The following GAD1 variants were observed in gnomAD, a reference collection of about 807,000 sequenced individuals.
The protein encoded by GAD1 is 67 kDa glutamic acid decarboxylase.
A neutral mutation model predicts 75.2 loss-of-function variants in GAD1; 35 were observed. The ratio of observed to expected loss-of-function variants is 0.47; its 90% CI spans 0.36 to 0.62. GAD1 has a LOEUF of 0.62. GAD1 is among the 20% of genes least tolerant of loss of function. The pLI is 0.00. For missense variants in GAD1, 490 were observed against 758.5 expected (o/e 0.65, Z 4.16); for synonymous variants, 257 against 271.9 (o/e 0.95, Z 0.54).
At chr2:170,845,828 T>C (rs781429378) in intron 9 of GAD1, 43 bp downstream of exon 9, 2 of 1,575,952 alleles carry the variant, frequency 1.3e-6, no homozygotes, top group South Asian at 2.2e-5. Context: ...ATGTATTAAA[T>C]GTGTTCATCT....
intron 14 of GAD1, among the ~76,000 whole-genome samples, chr2:170,854,440 G>A (rs2105810149): frequency 7.4e-6 from 1 of 135,906 alleles, no homozygotes; most frequent in East Asian, 2.1e-4. Flanking sequence ...TCACTCTGTA[G>A]CCCAGGCTGG....
chr2:170,818,336 G>A lies in GAD1; in HGVS notation c.-63-193G>A. On this transcript the variant is annotated intron_variant, in intron 1 of 16. Coordinates refer to ENST00000358196, the MANE Select transcript of GAD1 (RefSeq NM_000817.3). This position sits in a 1 kb window ranked among gnomAD's most constrained non-coding sequence, Gnocchi z 5.9. ...CTACGCTCCCTGCGCCCCAGTACCG[G>A]AGCTAGCGCGCACGTCTCCTCCGCT... 2 of 547,320 alleles carry A rather than the reference G, an allele frequency of 3.7e-6. No individual in the cohort carries two copies. The highest frequency in any genetic ancestry group is 6.3e-5 in the East Asian group (2 of 31,682). 33.9% of individuals were successfully genotyped at this position (547,320 alleles called of 1,614,324 possible).
rs74356350 is a variant in GAD1 at position 170,833,603 on chromosome 2, C to T, written c.547+2411C>T. Among the ~76,000 whole-genome samples the T allele has an allele frequency of 7.8e-3, 1,185 of 152,336 alleles. 16 individuals carry two copies. The highest frequency in any genetic ancestry group is 0.027 in the African/African-American group (1,118 of 41,574). ...CGCTTTCTCAGAGAGATGAGAACTA[C>T]ATCATTTTATTATGAAAGCCCAGAA... On this transcript the variant is annotated intron_variant, in intron 5 of 16. Coordinates refer to ENST00000358196, the MANE Select transcript of GAD1 (RefSeq NM_000817.3).
intron 2 of GAD1, among the ~76,000 whole-genome samples, chr2:170,820,156 C>T (rs1251370600): frequency 1.3e-5 from 2 of 151,888 alleles, no homozygotes; most frequent in Non-Finnish European, 2.9e-5. Context: ...TTCCCGCTCC[C>T]TTTTGCCGCC....
chr2:170,830,483 C>T (rs1428161698), intron 4 of GAD1, among the ~76,000 whole-genome samples: 1 of 152,242 alleles, frequency 6.6e-6, no homozygotes, highest in Non-Finnish European at 1.5e-5. Context: ...TGTCGAAGGA[C>T]ACCGCCAAGG....
intron 16 of GAD1, among the ~76,000 whole-genome samples, chr2:170,859,417 C>T (rs554136515): frequency 6.6e-6 from 1 of 152,216 alleles, no homozygotes; most frequent in Non-Finnish European, 1.5e-5. Context: ...TTATACAAAA[C>T]CCTGAATTTG....
At chr2:170,832,670 A>G (rs918118196) in intron 5 of GAD1, among the ~76,000 whole-genome samples, 31 of 94,238 alleles carry the variant, frequency 3.3e-4, no homozygotes, top group African/African-American at 8.7e-4. Context: ...GCGCGCACAC[A>G]CACACACACA....
intron 14 of GAD1, 113 bp downstream of exon 14, chr2:170,854,135 C>T: frequency 9.4e-7 from 1 of 1,059,298 alleles, no homozygotes; most frequent in Non-Finnish European, 1.5e-6. Flanking sequence ...GAATCAATAT[C>T]TAGATAATTG....
rs2105809661 is a variant in GAD1 at position 170,854,121 on chromosome 2, TG to T, written c.1413+103del. On this transcript the variant is annotated intron_variant, in intron 14 of 16. Coordinates refer to ENST00000358196, the MANE Select transcript of GAD1 (RefSeq NM_000817.3). ...GATATATCACAGATAATTCACTATA[TG>T]GGGAATCAATATCTAGATAATTGAA... is the stretch of plus-strand genomic sequence containing the variant. 3 of 1,208,618 alleles carry T rather than the reference TG, an allele frequency of 2.5e-6. No individual in the cohort carries two copies. In the East Asian group the frequency reaches 7.0e-5, roughly 28 times the overall value. 74.9% of individuals were successfully genotyped at this position (1,208,618 alleles called of 1,614,324 possible).
At chr2:170,855,913 C>G (rs1295727544) in intron 14 of GAD1, among the ~76,000 whole-genome samples, 1 of 142,298 alleles carries the variant, frequency 7.0e-6, no homozygotes, top group Admixed American at 6.9e-5. Flanking sequence ...ACGGCAACAA[C>G]AAAAAAGGAG....
In GAD1 at chr2:170,818,717, A is replaced by G. The variant is rs751917313; in HGVS notation, c.82+44A>G. 1.9e-6 allele frequency: 3 copies of G among 1,584,922 alleles called. No homozygotes were observed. The Admixed American group carries it at 5.0e-5, about 26-fold the overall frequency. On this transcript the variant is annotated intron_variant, in intron 2 of 16. Transcript: ENST00000358196. This position sits in a 1 kb window ranked among gnomAD's most constrained non-coding sequence, Gnocchi z 5.9. ...TTCTATCAAATGAACTGCAGGGAAG[A>G]TGGGGGCGCTGGGACGTCGGGAGGC...
intron 14 of GAD1, 141 bp downstream of exon 14, chr2:170,854,163 T>C: frequency 2.3e-6 from 2 of 888,718 alleles, no homozygotes. Context: ...TGTGTTTTCT[T>C]TGTGAATGAA....
intron 3 of GAD1, among the ~76,000 whole-genome samples, chr2:170,826,584 A>T (rs1228961779): frequency 1.3e-5 from 2 of 150,606 alleles, no homozygotes; most frequent in Non-Finnish European, 3.0e-5. Context: ...AAAAAAAAAA[A>T]GCTGTGGCAT....
At chr2:170,855,561 T>C (rs1702832851) in intron 14 of GAD1, among the ~76,000 whole-genome samples, 1 of 151,496 alleles carries the variant, frequency 6.6e-6, no homozygotes, top group South Asian at 2.1e-4. Flanking sequence ...TACAAAGTAA[T>C]CATAGGAATT....
intron 14 of GAD1, among the ~76,000 whole-genome samples, chr2:170,855,615 A>G (rs987285661): frequency 6.6e-6 from 1 of 151,762 alleles, no homozygotes; most frequent in Non-Finnish European, 1.5e-5. Flanking sequence ...TGGCTCACGC[A>G]TGTAATCCCA....
In GAD1 at chr2:170,818,362, G is replaced by C; in HGVS notation, c.-63-167G>C. 1.7e-6 allele frequency: 1 copy of C among 587,314 alleles called. No homozygotes were observed. The highest frequency in any genetic ancestry group is 3.1e-6 in the Non-Finnish European group (1 of 326,672). 36.4% of individuals were successfully genotyped at this position (587,314 alleles called of 1,614,324 possible). ...AGCTAGCGCGCACGTCTCCTCCGCT[G>C]CCCCCACCCCTGCGCACCCCTACCA... On this transcript the variant is annotated intron_variant, in intron 1 of 16. Coordinates refer to ENST00000358196, the MANE Select transcript of GAD1 (RefSeq NM_000817.3). This position sits in a 1 kb window ranked among gnomAD's most constrained non-coding sequence, Gnocchi z 5.9.
chr2:170,839,613 CAAA>C (rs201762496), intron 6 of GAD1, among the ~76,000 whole-genome samples: 2 of 101,802 alleles, frequency 2.0e-5, no homozygotes, highest in Non-Finnish European at 2.1e-5. Flanking sequence ...GACTCCATCT[CAAA>C]AAAAAAAAAA....
At chr2:170,821,526 G>A (rs572861907) in intron 2 of GAD1, among the ~76,000 whole-genome samples, 3 of 152,162 alleles carry the variant, frequency 2.0e-5, no homozygotes, top group Non-Finnish European at 4.4e-5. Context: ...ATGCGAGCCC[G>A]ATCATCTAGT....
intron 6 of GAD1, chr2:170,842,669 G>A: frequency 1.2e-6 from 2 of 1,613,540 alleles, no homozygotes; most frequent in African/African-American, 1.3e-5. Context: ...CTGCACACAT[G>A]GTTTCCAAGG....
Sources: gnomAD v4.1 joint callset for allele counts (sites outside exome capture counted in the v4.1 genomes callset) on GRCh38, gnomAD v4.1.1 for gene constraint, Gnocchi (gnomAD v3.1) non-coding constraint, MANE v1.5 for transcripts, NCBI Gene and HGNC (gene_info 2026-07-23, HGNC 2026-07-21) for gene names.